NDUFAF2: variants seen among roughly 807,000 people sequenced by gnomAD.
NDUFAF2 encodes NADH dehydrogenase [ubiquinone] 1 alpha subcomplex assembly factor 2.
NDUFAF2 carries 13 observed loss-of-function variants against 22.8 expected under a neutral mutation model. The observed-to-expected ratio is 0.57, with a 90% confidence interval of 0.37 to 0.91. NDUFAF2 has a LOEUF of 0.91. Among genes scored for constraint, NDUFAF2 ranks in the 40% least tolerant of loss-of-function variants. The pLI is 0.01. For missense variants in NDUFAF2, 162 were observed against 195.2 expected, an observed-to-expected ratio of 0.83 and a Z score of 1.01; for synonymous variants, 53 against 64.2, an observed-to-expected ratio of 0.83 and a Z score of 0.84.
chr5:60,978,322 C>T (rs1750930425), intron 1 of NDUFAF2, among the ~76,000 whole-genome samples: 1 of 152,114 alleles, frequency 6.6e-6, no homozygotes, highest in South Asian at 2.1e-4. Flanking sequence ...TTAGTCTGTT[C>T]TCACACTGCT....
intron 2 of NDUFAF2, among the ~76,000 whole-genome samples, chr5:61,077,116 G>A (rs996130092): frequency 6.6e-6 from 1 of 152,200 alleles, no homozygotes. Flanking sequence ...GTTAAATTGT[G>A]TATGAGCCAA....
chr5:60,953,268 C>A (rs1374670472), intron 1 of NDUFAF2, among the ~76,000 whole-genome samples: 3 of 151,962 alleles, frequency 2.0e-5, no homozygotes, highest in African/African-American at 7.2e-5. Context: ...AAAATGAGTT[C>A]AGGGTTTTTT....
chr5:61,127,148 C>T (rs1753047424), intron 3 of NDUFAF2, among the ~76,000 whole-genome samples: 2 of 152,046 alleles, frequency 1.3e-5, no homozygotes, highest in African/African-American at 4.8e-5. Flanking sequence ...TAATTAATAG[C>T]TTACCGACCA....
At chr5:61,085,865 A>C (rs548915391) in intron 2 of NDUFAF2, among the ~76,000 whole-genome samples, 9 of 152,272 alleles carry the variant, frequency 5.9e-5, no homozygotes, top group African/African-American at 2.2e-4. Flanking sequence ...CTATAATCCT[A>C]GTACTTTGGG....
intron 1 of NDUFAF2, among the ~76,000 whole-genome samples, chr5:60,990,918 G>A (rs887657003): frequency 9.9e-5 from 15 of 152,238 alleles, no homozygotes; most frequent in Non-Finnish European, 1.8e-4. Flanking sequence ...GGATGAGGCA[G>A]CTGAGATTTG....
intron 3 of NDUFAF2, among the ~76,000 whole-genome samples, chr5:61,144,326 T>A (rs1407331471): frequency 6.6e-6 from 1 of 152,086 alleles, no homozygotes; most frequent in African/African-American, 2.4e-5. Flanking sequence ...TTGAAAACAG[T>A]TATTCATTTT....
At chr5:60,981,030 A>C (rs1036372878) in intron 1 of NDUFAF2, among the ~76,000 whole-genome samples, 1 of 152,198 alleles carries the variant, frequency 6.6e-6, no homozygotes, top group Non-Finnish European at 1.5e-5. Context: ...TCAAAGAGGT[A>C]ATAGAGAACT....
intron 1 of NDUFAF2, among the ~76,000 whole-genome samples, chr5:61,051,499 A>G (rs773140540): frequency 6.6e-6 from 1 of 152,188 alleles, no homozygotes; most frequent in Non-Finnish European, 1.5e-5. Flanking sequence ...GTTGTCAGAT[A>G]TGAGTCATAG....
chr5:60,971,148 T>TC lies in NDUFAF2; in HGVS notation c.127+25766_127+25767insC, dbSNP rs200183646. Among the ~76,000 whole-genome samples the TC allele has an allele frequency of 4.0e-5, 6 of 151,872 alleles. No individual in the cohort carries two copies. In the East Asian group the frequency reaches 1.2e-3, roughly 30 times the overall value. Reference sequence around the variant, plus strand: ...ACAACCTCTATTTCTTTTTTCGTTTTTTTTTTAAATTGTACTTTAAGTTCT... The same window carrying TC: ...ACAACCTCTATTTCTTTTTTCGTTTTCTTTTTTAAATTGTACTTTAAGTTCT... On this transcript the variant is annotated intron_variant, in intron 1 of 3. Coordinates refer to ENST00000296597, the MANE Select transcript of NDUFAF2 (RefSeq NM_174889.5).
At chr5:61,030,391 A>G (rs1032557994) in intron 1 of NDUFAF2, among the ~76,000 whole-genome samples, 11 of 152,038 alleles carry the variant, frequency 7.2e-5, no homozygotes, top group Admixed American at 5.9e-4. Context: ...TTGCCCTCCT[A>G]TTCCCATTTT....
intron 1 of NDUFAF2, among the ~76,000 whole-genome samples, chr5:60,992,009 C>T (rs1316213086): frequency 6.6e-6 from 1 of 152,108 alleles, no homozygotes; most frequent in Non-Finnish European, 1.5e-5. Flanking sequence ...GACATGATGT[C>T]TTATTGTAGT....
intron 3 of NDUFAF2, among the ~76,000 whole-genome samples, chr5:61,135,895 G>T (rs539947289): frequency 6.6e-6 from 1 of 150,608 alleles, no homozygotes; most frequent in East Asian, 1.9e-4. Context: ...GAGCTTGAGG[G>T]TCTCACCATT....
chr5:60,983,072 A>AT (rs376744104), intron 1 of NDUFAF2, among the ~76,000 whole-genome samples: 3,642 of 151,082 alleles, frequency 0.024, 60 homozygotes, highest in Non-Finnish European at 0.037. Context: ...TTGTTTCCTG[A>AT]TTTTTTAATG....
chr5:61,125,979 A>G (rs1184260945), intron 3 of NDUFAF2, among the ~76,000 whole-genome samples: 1 of 152,062 alleles, frequency 6.6e-6, no homozygotes, highest in African/African-American at 2.4e-5. Context: ...TCAATTATAC[A>G]GAAAGAGAAA....
chr5:61,068,427 CAAT>C (rs1752256367), intron 1 of NDUFAF2, among the ~76,000 whole-genome samples: 1 of 151,958 alleles, frequency 6.6e-6, no homozygotes, highest in African/African-American at 2.4e-5. Flanking sequence ...AGTTATGCAA[CAAT>C]GACATGAAAA....
intron 1 of NDUFAF2, among the ~76,000 whole-genome samples, chr5:60,970,865 T>C (rs1263628996): frequency 6.6e-6 from 1 of 152,094 alleles, no homozygotes; most frequent in African/African-American, 2.4e-5. Context: ...TCATTGATTA[T>C]GTTATTTGGT....
At chr5:60,984,296 A>G (rs1235295141) in intron 1 of NDUFAF2, among the ~76,000 whole-genome samples, 1 of 150,568 alleles carries the variant, frequency 6.6e-6, no homozygotes, top group African/African-American at 2.4e-5. Context: ...GGAGATTTTG[A>G]GCTGAGACGA....
At chr5:61,117,680 T>TTTA (rs1554083835) in intron 3 of NDUFAF2, among the ~76,000 whole-genome samples, 1 of 150,902 alleles carries the variant, frequency 6.6e-6, no homozygotes, top group East Asian at 2.0e-4. Context: ...GACTTTTTTT[T>TTTA]AAAAAAAAAA....
chr5:61,043,844 A>T (rs1423509742), intron 1 of NDUFAF2, among the ~76,000 whole-genome samples: 2 of 152,110 alleles, frequency 1.3e-5, no homozygotes, highest in Non-Finnish European at 1.5e-5. Flanking sequence ...CAGTACACTG[A>T]TTTCATGTCC....
Sources: allele counts gnomAD v4.1 joint callset (sites outside exome capture counted in the v4.1 genomes callset), GRCh38; gene constraint gnomAD v4.1.1; transcripts MANE v1.5; gene names NCBI Gene and HGNC (gene_info 2026-07-23, HGNC 2026-07-21).